Variants in ZBTB34 observed in about 807,000 individuals in gnomAD.
ZBTB34 encodes zinc finger and BTB domain-containing protein 34.
In ZBTB34, 1 loss-of-function variant was observed where a neutral mutation model predicts 33.4. That is an observed-to-expected ratio of 0.03 (90% CI 0.01 to 0.14). The LOEUF (loss-of-function observed/expected upper bound fraction) is 0.14. Among genes scored for constraint, ZBTB34 ranks in the 10% least tolerant of loss-of-function variants. The pLI is 1.00. For missense variants in ZBTB34, 406 were observed against 657.2 expected (o/e 0.62, Z 4.18); for synonymous variants, 283 against 253.5 (o/e 1.12, Z -1.11).
chr9:126,871,302 G>A (rs1300384356), intron 1 of ZBTB34, among the ~76,000 whole-genome samples: 1 of 151,474 alleles, frequency 6.6e-6, no homozygotes, highest in Non-Finnish European at 1.5e-5. Context: ...GCCATCCATG[G>A]AATACTATGA....
At position 126,880,667 on chromosome 9, in the gene ZBTB34, T is replaced by G; in HGVS notation, c.1268T>G (p.Ile423Ser). 6.2e-7 allele frequency: 1 copy of G among 1,613,788 alleles called. No homozygotes were observed. The highest frequency in any genetic ancestry group is 8.5e-7 in the Non-Finnish European group (1 of 1,179,890). Residue 423 changes from isoleucine to serine, a missense_variant, in exon 2 of 2, where the codon ATC becomes AGC. Ile to Ser is a moderately radical substitution (Grantham distance 142). Around this residue, in one of 6 missense-constraint regions of ZBTB34, gnomAD observed 36 missense variants for 109.4 expected, o/e 0.33. Transcript: ENST00000319119. The surrounding 1 kb of genome is among the most constrained non-coding windows in gnomAD (Gnocchi z 6.7). Reference sequence around the variant, plus strand: ...CGGAAGGACCAACTGGAGTACCACATCCGGGGCCATACAGATGATAAACCA... The same window carrying G: ...CGGAAGGACCAACTGGAGTACCACAGCCGGGGCCATACAGATGATAAACCA...
At chr9:126,863,221 G>T (rs2033163516) in intron 1 of ZBTB34, among the ~76,000 whole-genome samples, 1 of 152,178 alleles carries the variant, frequency 6.6e-6, no homozygotes, top group South Asian at 2.1e-4. Context: ...ATGCCTCTGA[G>T]CCTCCGTTTC....
chr9:126,861,364 G>A (rs929561215), intron 1 of ZBTB34, among the ~76,000 whole-genome samples: 5 of 152,202 alleles, frequency 3.3e-5, no homozygotes, highest in Non-Finnish European at 7.3e-5. Flanking sequence ...TGCCCTTCTA[G>A]GCCAAGTGGC....
chr9:126,871,182 G>GGTGTGT (rs1051590372), intron 1 of ZBTB34, among the ~76,000 whole-genome samples: 2 of 122,372 alleles, frequency 1.6e-5, no homozygotes, highest in Non-Finnish European at 3.5e-5. Context: ...AAGTGAGGGG[G>GGTGTGT]GTGTGTGTGT....
At chr9:126,860,929 G>A (rs1461248758) in intron 1 of ZBTB34, among the ~76,000 whole-genome samples, 190 bp downstream of exon 1, 1 of 150,744 alleles carries the variant, frequency 6.6e-6, no homozygotes, top group South Asian at 2.1e-4. Context: ...GCCGGGCGGG[G>A]TCCGGAGGCC....
At chr9:126,863,120 G>A (rs1157047292) in intron 1 of ZBTB34, among the ~76,000 whole-genome samples, 1 of 152,122 alleles carries the variant, frequency 6.6e-6, no homozygotes, top group Non-Finnish European at 1.5e-5. Context: ...CGGAGGCTGT[G>A]GGGAAAGAAC....
chr9:126,869,628 G>A (rs942921091), intron 1 of ZBTB34, among the ~76,000 whole-genome samples: 1 of 152,142 alleles, frequency 6.6e-6, no homozygotes, highest in Admixed American at 6.5e-5. Context: ...TGTCGGTCCT[G>A]CCCACATCAG....
intron 1 of ZBTB34, among the ~76,000 whole-genome samples, chr9:126,873,291 TCTCA>T (rs1384139036): frequency 6.6e-6 from 1 of 152,190 alleles, no homozygotes; most frequent in Non-Finnish European, 1.5e-5. Flanking sequence ...TGAGACAATG[TCTCA>T]CTCTATCACC....
intron 1 of ZBTB34, among the ~76,000 whole-genome samples, chr9:126,877,877 C>T (rs1049371542): frequency 6.6e-6 from 1 of 151,388 alleles, no homozygotes; most frequent in East Asian, 2.0e-4. Context: ...TGGTGGTGCA[C>T]GCCTGTAGTC....
At chr9:126,873,537 T>A (rs2033309341) in intron 1 of ZBTB34, among the ~76,000 whole-genome samples, 1 of 152,194 alleles carries the variant, frequency 6.6e-6, no homozygotes, top group Non-Finnish European at 1.5e-5. Flanking sequence ...GTGCTGGGAT[T>A]ACAGGCATGA....
At position 126,880,871 on chromosome 9, in the gene ZBTB34, A is replaced by G. The variant is rs2033430528; in HGVS notation, c.1472A>G (p.Asp491Gly). 8.1e-6 allele frequency: 13 copies of G among 1,613,130 alleles called. No individual in the cohort carries two copies. The highest frequency in any genetic ancestry group is 1.0e-5 in the Non-Finnish European group (12 of 1,179,716). Residue 491 changes from aspartate to glycine, a missense_variant, in exon 2 of 2, where the codon GAT (aspartate) becomes GGT (glycine). By Grantham distance (94) the Asp-to-Gly change is moderately conservative. Around this residue, in one of 6 missense-constraint regions of ZBTB34, gnomAD observed 58 missense variants for 58.7 expected, o/e 0.99. Coordinates refer to ENST00000319119, the Ensembl canonical transcript of ZBTB34. This position sits in a 1 kb window ranked among gnomAD's most constrained non-coding sequence, Gnocchi z 6.7. ...GCATCGGCCTCAGAGATGGGCCTAG[A>G]TTCCCGGATGGAAATTCACACAGTG...
chr9:126,863,699 G>A (rs778260029), intron 1 of ZBTB34: 1 of 985,418 alleles, frequency 1.0e-6, no homozygotes, highest in Non-Finnish European at 1.2e-6. Flanking sequence ...CCTCATGGAA[G>A]AATGCAAGTC....
chr9:126,881,866 ACT>A (rs370989827), exon 2 of ZBTB34: 1 of 166,512 alleles, frequency 6.0e-6, no homozygotes, highest in African/African-American at 2.4e-5. Flanking sequence ...AAATCGAATC[ACT>A]CTCTATCATG....
At chr9:126,876,174 C>T (rs73668429) in intron 1 of ZBTB34, among the ~76,000 whole-genome samples, 19 of 1,392 alleles carry the variant, frequency 0.014, no homozygotes, top group African/African-American at 0.077. Context: ...TTCCCCCCTT[C>T]CCCCCTTTCC....
intron 1 of ZBTB34, among the ~76,000 whole-genome samples, chr9:126,868,249 T>A (rs2033234128): frequency 6.6e-6 from 1 of 152,142 alleles, no homozygotes; most frequent in African/African-American, 2.4e-5. Flanking sequence ...CAGTGATGGA[T>A]TCTGTAGCTT....
intron 1 of ZBTB34, among the ~76,000 whole-genome samples, chr9:126,863,113 A>G (rs1159585516): frequency 6.6e-6 from 1 of 152,084 alleles, no homozygotes; most frequent in Non-Finnish European, 1.5e-5. Flanking sequence ...CTTCATTCGG[A>G]GGCTGTGGGG....
At chr9:126,871,526 C>T (rs2033279601) in intron 1 of ZBTB34, among the ~76,000 whole-genome samples, 1 of 151,906 alleles carries the variant, frequency 6.6e-6, no homozygotes, top group African/African-American at 2.4e-5. Context: ...CCACACCCAG[C>T]TAATTTTTGT....
chr9:126,876,243 C>A, intron 1 of ZBTB34, among the ~76,000 whole-genome samples: 1 of 59,046 alleles, frequency 1.7e-5, no homozygotes. Context: ...TCCTTCTTTT[C>A]CCTGTTAAGT....
Position 126,880,824 on chromosome 9 carries a change from G to A in ZBTB34, c.1425G>A (p.Val475=). 1 of 1,613,638 alleles carries A rather than the reference G, an allele frequency of 6.2e-7. No individual in the cohort carries two copies. Among genetic ancestry groups the A allele is most frequent in the Non-Finnish European group, 8.5e-7 (1 of 1,179,874 alleles). ...CCCCCGAGAGAACAGATGTGTACGTGGAACAGAAACTAGAAAATGACGCAT... is the reference window on the plus strand; with the variant it reads ...CCCCCGAGAGAACAGATGTGTACGTAGAACAGAAACTAGAAAATGACGCAT... Residue 475 remains valine, a synonymous_variant, in exon 2 of 2, where the codon GTG becomes GTA. Transcript: ENST00000319119. The surrounding 1 kb of genome is among the most constrained non-coding windows in gnomAD (Gnocchi z 6.7).
Sources: allele counts gnomAD v4.1 joint callset (sites outside exome capture counted in the v4.1 genomes callset), GRCh38; gene constraint gnomAD v4.1.1; regional missense constraint gnomAD v4.1.1; non-coding constraint Gnocchi (gnomAD v3.1); transcripts MANE v1.5; gene names NCBI Gene and HGNC (gene_info 2026-07-23, HGNC 2026-07-21).